Variants in HIPK2 observed in about 807,000 individuals in gnomAD.
HIPK2 encodes homeodomain interacting protein kinase 2.
In HIPK2, 27 loss-of-function variants were observed where a neutral mutation model predicts 113.7. The observed-to-expected ratio is 0.24, with a 90% CI of 0.17 to 0.33. The LOEUF is 0.33. HIPK2 is among the 10% of genes least tolerant of loss of function. HIPK2 has a pLI of 1.00. For missense variants in HIPK2, 1,257 were observed against 1,588.0 expected (o/e 0.79, Z 3.54); for synonymous variants, 631 against 642.2 (o/e 0.98, Z 0.26).
At chr7:139,623,550 CA>C (rs1252195170) in intron 6 of HIPK2, among the ~76,000 whole-genome samples, 8 of 146,740 alleles carry the variant, frequency 5.5e-5, no homozygotes, top group Non-Finnish European at 1.1e-4. Flanking sequence ...AAAAAAAGGA[CA>C]AATCCCATAA....
intron 1 of HIPK2, among the ~76,000 whole-genome samples, chr7:139,771,502 G>GT (rs1796649201): frequency 6.6e-6 from 1 of 152,028 alleles, no homozygotes; most frequent in Non-Finnish European, 1.5e-5. Context: ...CCAGGGCTGC[G>GT]TAAGTTATAA....
intron 2 of HIPK2, among the ~76,000 whole-genome samples, chr7:139,667,439 T>A (rs374130913): frequency 3.0e-4 from 46 of 152,354 alleles, no homozygotes; most frequent in African/African-American, 1.0e-3. Flanking sequence ...GCTGGGGATA[T>A]GATTTGAAAA....
At chr7:139,677,472 C>A (rs559571702) in intron 2 of HIPK2, among the ~76,000 whole-genome samples, 105 of 152,162 alleles carry the variant, frequency 6.9e-4, no homozygotes, top group Middle Eastern at 3.4e-3. Flanking sequence ...AAGGTGCCGG[C>A]ATTTGGTGTC....
intron 1 of HIPK2, among the ~76,000 whole-genome samples, chr7:139,776,686 G>T (rs1367559103): frequency 1.3e-5 from 2 of 152,148 alleles, no homozygotes; most frequent in African/African-American, 2.4e-5. Context: ...TTTACACGAT[G>T]AAACGACTGA....
chr7:139,688,798 A>C (rs1411345666), intron 2 of HIPK2, among the ~76,000 whole-genome samples: 3 of 152,210 alleles, frequency 2.0e-5, no homozygotes, highest in Non-Finnish European at 1.5e-5. Context: ...ACTTAAAAAT[A>C]CTAATGTTCA....
At chr7:139,608,553 C>T (rs1163877563) in intron 9 of HIPK2, among the ~76,000 whole-genome samples, 1 of 151,952 alleles carries the variant, frequency 6.6e-6, no homozygotes, top group East Asian at 1.9e-4. Context: ...TTCCCCAAAG[C>T]CATATAGCCA....
chr7:139,674,798 T>A (rs2116665561), intron 2 of HIPK2, among the ~76,000 whole-genome samples: 1 of 152,314 alleles, frequency 6.6e-6, no homozygotes, highest in Non-Finnish European at 1.5e-5. Context: ...TGGTTTATAT[T>A]TCTAAAACTT....
intron 12 of HIPK2, among the ~76,000 whole-genome samples, chr7:139,596,272 A>C (rs1023625983): frequency 6.6e-5 from 10 of 152,222 alleles, no homozygotes; most frequent in African/African-American, 2.4e-4. Context: ...GTTTTGAAAG[A>C]TTAGGTTAAT....
intron 1 of HIPK2, among the ~76,000 whole-genome samples, chr7:139,731,177 T>C (rs1036124370): frequency 2.6e-5 from 4 of 152,224 alleles, no homozygotes; most frequent in Admixed American, 1.3e-4. Flanking sequence ...ACTCAAGCTA[T>C]GATAAAGTAT....
chr7:139,640,276 G>A (rs1800964774), intron 2 of HIPK2, among the ~76,000 whole-genome samples: 2 of 152,176 alleles, frequency 1.3e-5, no homozygotes, highest in South Asian at 4.1e-4. Context: ...CCATCAATAT[G>A]GAAGCTTTGA....
At chr7:139,620,718 T>A in intron 6 of HIPK2, 155 bp from the exon 7 acceptor site, 1 of 489,840 alleles carries the variant, frequency 2.0e-6, no homozygotes, top group Non-Finnish European at 2.6e-6. Context: ...GTTTCTTGGA[T>A]TGCTTGTGCA....
intron 2 of HIPK2, among the ~76,000 whole-genome samples, chr7:139,703,421 C>T (rs1371483319): frequency 1.3e-5 from 2 of 152,012 alleles, no homozygotes; most frequent in African/African-American, 4.8e-5. Context: ...AATGTAAGTT[C>T]TAATTTACAA....
At chr7:139,617,731 T>C (rs1247327252) in intron 7 of HIPK2, among the ~76,000 whole-genome samples, 1 of 152,200 alleles carries the variant, frequency 6.6e-6, no homozygotes, top group Non-Finnish European at 1.5e-5. Flanking sequence ...TTCATGATCA[T>C]TTGGGAAATG....
chr7:139,675,680 G>C (rs1446045316), intron 2 of HIPK2, among the ~76,000 whole-genome samples: 1 of 152,236 alleles, frequency 6.6e-6, no homozygotes, highest in Non-Finnish European at 1.5e-5. Flanking sequence ...TTTGTGCAAA[G>C]ATCACCAGAG....
At chr7:139,612,636 T>C (rs1254787708) in intron 9 of HIPK2, among the ~76,000 whole-genome samples, 2 of 152,222 alleles carry the variant, frequency 1.3e-5, no homozygotes, top group Non-Finnish European at 1.5e-5. Flanking sequence ...ACTGTTATCA[T>C]TGCATCACTA....
chr7:139,653,388 G>C (rs1569465370), intron 2 of HIPK2, among the ~76,000 whole-genome samples: 1 of 151,346 alleles, frequency 6.6e-6, no homozygotes, highest in African/African-American at 2.4e-5. Context: ...ATGCAGTGCT[G>C]AGGACTATCA....
chr7:139,695,304 T>A (rs982247651), intron 2 of HIPK2, among the ~76,000 whole-genome samples: 1 of 152,236 alleles, frequency 6.6e-6, no homozygotes, highest in African/African-American at 2.4e-5. Flanking sequence ...TCACAGTGGG[T>A]GGCTCAGAAC....
At chr7:139,666,828 C>T (rs534245448) in intron 2 of HIPK2, among the ~76,000 whole-genome samples, 3 of 152,064 alleles carry the variant, frequency 2.0e-5, no homozygotes, top group Non-Finnish European at 4.4e-5. Context: ...TTTGGGAGGC[C>T]GAGGCAGGTA....
intron 6 of HIPK2, among the ~76,000 whole-genome samples, chr7:139,623,715 C>T (rs1800322827): frequency 6.6e-6 from 1 of 152,126 alleles, no homozygotes; most frequent in Non-Finnish European, 1.5e-5. Flanking sequence ...GGAGGCCCCA[C>T]TATCCATGGT....
Sources: allele counts gnomAD v4.1 joint callset (sites outside exome capture counted in the v4.1 genomes callset), GRCh38; gene constraint gnomAD v4.1.1; transcripts MANE v1.5; gene names NCBI Gene and HGNC (gene_info 2026-07-23, HGNC 2026-07-21).